The following CRCP variants were observed in gnomAD, a reference collection of about 807,000 sequenced individuals.
The protein encoded by CRCP is DNA-directed RNA polymerase III subunit RPC9.
CRCP carries 18 observed loss-of-function variants against 18.5 expected under a neutral mutation model. The ratio of observed to expected loss-of-function variants is 0.97; its 90% CI spans 0.67 to 1.44. CRCP has a LOEUF of 1.44. CRCP is among the 40% of genes most tolerant of loss of function. The pLI, the probability that CRCP is intolerant of heterozygous loss-of-function variation, is 0.00. For synonymous variants in CRCP, 53 were observed against 62.9 expected (o/e 0.84, Z 0.75); for missense variants, 130 against 176.4 (o/e 0.74, Z 1.49).
intron 1 of CRCP, among the ~76,000 whole-genome samples, chr7:66,126,827 C>A (rs1247159140): frequency 2.7e-5 from 4 of 149,034 alleles, no homozygotes; most frequent in Non-Finnish European, 4.5e-5. Flanking sequence ...CCAGTGAACC[C>A]TGTGAACAGT....
chr7:66,141,274 G>A lies in CRCP; in HGVS notation c.240-4169G>A, dbSNP rs112717150. ...TTAAATGTACAATTAAATTATTGTT[G>A]ACTGTAGTCACCCTGTTGGACTATC... is the stretch of plus-strand genomic sequence containing the variant. On this transcript the variant is annotated intron_variant, in intron 4 of 5. Transcript: ENST00000395326. Among the ~76,000 whole-genome samples, 48 of 152,122 alleles carry A rather than the reference G, an allele frequency of 3.2e-4. 4 individuals are homozygous for A. Among genetic ancestry groups the A allele is most frequent in the African/African-American group, 1.1e-3 (46 of 41,488 alleles).
At chr7:66,143,401 C>G (rs1306888703) in intron 4 of CRCP, among the ~76,000 whole-genome samples, 1 of 152,182 alleles carries the variant, frequency 6.6e-6, no homozygotes, top group African/African-American at 2.4e-5. Context: ...ATGACTCTTT[C>G]ACCCCATGTC....
chr7:66,144,173 C>T (rs575066994), intron 4 of CRCP, among the ~76,000 whole-genome samples: 5 of 20,310 alleles, frequency 2.5e-4, no homozygotes, highest in African/African-American at 1.1e-3. Context: ...GTTCTGTAGT[C>T]TTTCAGAGTC....
At chr7:66,121,274 C>T (rs1787432743) in intron 1 of CRCP, among the ~76,000 whole-genome samples, 1 of 152,000 alleles carries the variant, frequency 6.6e-6, no homozygotes, top group Admixed American at 6.6e-5. Flanking sequence ...TGGTCTTGAA[C>T]TCCTGAGCTC....
chr7:66,152,143 G>T, intron 5 of CRCP, 65 bp from the exon 6 acceptor site: 1 of 1,590,496 alleles, frequency 6.3e-7, no homozygotes, highest in Non-Finnish European at 8.6e-7. Flanking sequence ...TGAGCACAGT[G>T]GGCAGGGCTG....
chr7:66,134,817 C>T (rs1787924267), intron 4 of CRCP, among the ~76,000 whole-genome samples: 1 of 152,094 alleles, frequency 6.6e-6, no homozygotes, highest in Non-Finnish European at 1.5e-5. Context: ...AATCGGGGAA[C>T]CTGGGCTGTA....
At chr7:66,124,135 G>C (rs917003055) in intron 1 of CRCP, among the ~76,000 whole-genome samples, 2 of 145,282 alleles carry the variant, frequency 1.4e-5, no homozygotes, top group Non-Finnish European at 3.0e-5. Flanking sequence ...GCCGAGGCGG[G>C]CGGATCACGA....
chr7:66,126,641 G>A (rs1460837593), intron 1 of CRCP: 3 of 430,126 alleles, frequency 7.0e-6, no homozygotes, highest in Non-Finnish European at 1.4e-5. Context: ...CCATTATGGA[G>A]ATGTTAATAC....
chr7:66,132,036 C>T (rs943705234), intron 3 of CRCP, among the ~76,000 whole-genome samples: 1 of 152,300 alleles, frequency 6.6e-6, no homozygotes, highest in Non-Finnish European at 1.5e-5. Flanking sequence ...GCTGGGATTA[C>T]AGGCGTGAGC....
intron 4 of CRCP, among the ~76,000 whole-genome samples, chr7:66,138,463 T>C (rs1788033827): frequency 2.0e-5 from 3 of 151,668 alleles, no homozygotes; most frequent in African/African-American, 2.4e-5. Context: ...GCTGTTAAGA[T>C]TTTTTTTATC....
Position 66,142,132 on chromosome 7 carries a change from C to G in CRCP, c.240-3311C>G, listed in dbSNP as rs191355942. 7.8e-3 allele frequency among the ~76,000 whole-genome samples: 1,185 copies of G among 152,256 alleles called. 9 individuals are homozygous for G. The highest frequency in any genetic ancestry group is 0.012 in the Non-Finnish European group (846 of 67,996). ...TCAGACGGGAACTGAGAAAACTAAC[C>G]GGAATGAACTCATCTCCCTTCCAGT... On this transcript the variant is annotated intron_variant, in intron 4 of 5. Coordinates refer to ENST00000395326, the MANE Select transcript of CRCP (RefSeq NM_014478.5).
chr7:66,130,635 G>A (rs551649012), intron 2 of CRCP, 109 bp from the exon 3 acceptor site: 89 of 508,968 alleles, frequency 1.7e-4, no homozygotes, highest in East Asian at 1.2e-3. Context: ...GGTGATGGGC[G>A]GGTGAAAGGA....
rs1024985203 is a variant in CRCP at position 66,125,059 on chromosome 7, T to A, written c.9-2645T>A. On this transcript the variant is annotated intron_variant, in intron 1 of 5. Transcript: ENST00000395326. Reference sequence around the variant, plus strand: ...ACAGATGACATTGATATTTGAAGAGTCTAAATTTAACCCAGTTGTTTTGAA... The same window carrying A: ...ACAGATGACATTGATATTTGAAGAGACTAAATTTAACCCAGTTGTTTTGAA... Among the ~76,000 whole-genome samples, 5 of 149,276 alleles carry A rather than the reference T, an allele frequency of 3.3e-5. 2 individuals carry two copies. Among genetic ancestry groups the A allele is most frequent in the Non-Finnish European group, 6.0e-5 (4 of 66,744 alleles).
intron 1 of CRCP, among the ~76,000 whole-genome samples, chr7:66,125,936 A>T (rs916860071): frequency 6.7e-6 from 1 of 149,490 alleles, no homozygotes; most frequent in African/African-American, 2.4e-5. Flanking sequence ...GCCAGTGGGC[A>T]GATTTCCTGA....
chr7:66,120,672 T>C (rs1339496520), intron 1 of CRCP: 2 of 152,028 alleles, frequency 1.3e-5, no homozygotes, highest in Admixed American at 1.3e-4. Flanking sequence ...ATGGATCTCC[T>C]TATACGCAGA....
intron 5 of CRCP, among the ~76,000 whole-genome samples, chr7:66,149,401 C>A (rs901198735): frequency 7.2e-5 from 11 of 152,100 alleles, no homozygotes; most frequent in African/African-American, 2.4e-4. Flanking sequence ...TAGCTATAGT[C>A]CCAGCTACTT....
chr7:66,144,155 CCT>C (rs1788220701), intron 4 of CRCP, among the ~76,000 whole-genome samples: 1 of 90,550 alleles, frequency 1.1e-5, no homozygotes. Context: ...CATTTGATCT[CCT>C]CTGAAGTTCT....
chr7:66,138,670 T>C (rs1788043267), intron 4 of CRCP, among the ~76,000 whole-genome samples: 1 of 147,866 alleles, frequency 6.8e-6, no homozygotes, highest in Non-Finnish European at 1.5e-5. Context: ...GGCGGGCGCC[T>C]GTAGTCCCAG....
intron 4 of CRCP, 138 bp downstream of exon 4, chr7:66,134,512 A>G (rs1160756508): frequency 8.1e-6 from 5 of 619,440 alleles, no homozygotes; most frequent in African/African-American, 7.7e-5. Context: ...AACAACTGAA[A>G]GTTAGACATA....
Sources: allele counts gnomAD v4.1 joint callset (sites outside exome capture counted in the v4.1 genomes callset), GRCh38; gene constraint gnomAD v4.1.1; transcripts MANE v1.5; gene names NCBI Gene and HGNC (gene_info 2026-07-23, HGNC 2026-07-21).